Variants in COX16 observed in about 807,000 individuals in gnomAD.
COX16 encodes the protein cytochrome c oxidase assembly protein COX16 homolog, mitochondrial.
A neutral mutation model predicts 15.4 loss-of-function variants in COX16; 12 were observed. The observed-to-expected ratio is 0.78, with a 90% confidence interval of 0.50 to 1.26. The LOEUF (loss-of-function observed/expected upper bound fraction) is 1.26, where lower values mean the gene tolerates loss of function less well. Ranked by LOEUF, COX16 falls within the 50% of genes most tolerant of loss-of-function variation. COX16 has a pLI of 0.00. For missense variants in COX16, 124 were observed against 127.6 expected (o/e 0.97, Z 0.14); for synonymous variants, 46 against 41.1 (o/e 1.12, Z -0.46).
intron 2 of COX16, among the ~76,000 whole-genome samples, chr14:70,331,143 G>A (rs984220426): frequency 5.9e-5 from 9 of 152,102 alleles, no homozygotes; most frequent in African/African-American, 2.2e-4. Context: ...GAGTAGCTGG[G>A]ACTACAGGCA....
chr14:70,359,063 G>A (rs543510465), intron 1 of COX16, among the ~76,000 whole-genome samples: 92 of 152,294 alleles, frequency 6.0e-4, no homozygotes, highest in African/African-American at 2.1e-3. Context: ...AAGATACCAG[G>A]AATTCGTGCA....
intron 1 of COX16, among the ~76,000 whole-genome samples, chr14:70,343,687 C>A (rs1886689780): frequency 6.6e-6 from 1 of 152,168 alleles, no homozygotes; most frequent in South Asian, 2.1e-4. Context: ...GAAACATCAT[C>A]TTAAGATATA....
At chr14:70,336,689 A>T (rs1886467475) in intron 2 of COX16, among the ~76,000 whole-genome samples, 1 of 152,200 alleles carries the variant, frequency 6.6e-6, no homozygotes, top group African/African-American at 2.4e-5. Context: ...ATATATCTGT[A>T]CTTTGTGTGA....
chr14:70,353,804 C>T (rs943916589), intron 1 of COX16, among the ~76,000 whole-genome samples: 11 of 152,032 alleles, frequency 7.2e-5, no homozygotes, highest in Non-Finnish European at 1.3e-4. Flanking sequence ...TGAGCCACTG[C>T]GCCCGGCCCC....
chr14:70,346,088 T>C (rs1423134665), intron 1 of COX16, among the ~76,000 whole-genome samples: 1 of 152,058 alleles, frequency 6.6e-6, no homozygotes, highest in African/African-American at 2.4e-5. Context: ...CCCCTGCCTA[T>C]CCTCCACTGC....
At chr14:70,332,206 C>T (rs1232952637) in intron 2 of COX16, among the ~76,000 whole-genome samples, 1 of 152,220 alleles carries the variant, frequency 6.6e-6, no homozygotes, top group Non-Finnish European at 1.5e-5. Flanking sequence ...CTGAAAGTGA[C>T]CCTGTGGCTC....
intron 2 of COX16, among the ~76,000 whole-genome samples, chr14:70,332,046 G>A (rs550472704): frequency 6.6e-6 from 1 of 152,360 alleles, no homozygotes; most frequent in African/African-American, 2.4e-5. Context: ...CCTGGAAACA[G>A]CCCAGTCCTT....
At chr14:70,329,604 T>C (rs571759220) in intron 2 of COX16, among the ~76,000 whole-genome samples, 1 of 151,846 alleles carries the variant, frequency 6.6e-6, no homozygotes, top group South Asian at 2.1e-4. Context: ...CCTCCAGAGT[T>C]CACACTATTA....
In COX16 at chr14:70,354,639, G is replaced by A. The variant is rs994322278; in HGVS notation, c.69+4880C>T. On this transcript the variant is annotated intron_variant, in intron 1 of 3. Transcript: ENST00000389912. ...TGCATGCAGGACCCTCCTGGACCTC[G>A]ACATATGAGTCTCTTTTTTTGGCTG... Among the ~76,000 whole-genome samples the A allele has an allele frequency of 1.8e-4, 27 of 152,234 alleles. 1 individual carries two copies. The highest frequency in any genetic ancestry group is 1.4e-3 in the Admixed American group (22 of 15,282).
chr14:70,349,129 C>A lies in COX16; in HGVS notation c.70-6400G>T, dbSNP rs150087738. On this transcript the variant is annotated intron_variant, in intron 1 of 3. Transcript: ENST00000389912. ...ACACTTTCCATGTTGGTTACAAATT[C>A]TCTTGCAACTTCTCCGCCCTGTTCT... Among the ~76,000 whole-genome samples, 446 of 152,324 alleles carry A rather than the reference C, an allele frequency of 2.9e-3. 4 individuals are homozygous for A. Among genetic ancestry groups the A allele is most frequent in the African/African-American group, 9.9e-3 (413 of 41,576 alleles).
intron 2 of COX16, among the ~76,000 whole-genome samples, chr14:70,330,276 G>A (rs1463742312): frequency 6.6e-6 from 1 of 152,084 alleles, no homozygotes; most frequent in East Asian, 1.9e-4. Context: ...TGAAAACTTA[G>A]ATAAAATGGA....
At chr14:70,345,166 G>T (rs1287786666) in intron 1 of COX16, among the ~76,000 whole-genome samples, 67 of 152,194 alleles carry the variant, frequency 4.4e-4, no homozygotes, top group Non-Finnish European at 4.4e-5. Context: ...CTCTGTGCAT[G>T]CACATTGGTC....
chr14:70,345,831 G>A (rs1032988546), intron 1 of COX16, among the ~76,000 whole-genome samples: 4 of 151,670 alleles, frequency 2.6e-5, no homozygotes, highest in Admixed American at 2.0e-4. Flanking sequence ...TTTCTCGTTC[G>A]ATCCAACTGA....
intron 3 of COX16, among the ~76,000 whole-genome samples, chr14:70,327,283 A>G (rs6573951): frequency 0.87 from 132,538 of 152,124 alleles, 57,797 homozygotes; most frequent in East Asian, 0.93. Flanking sequence ...TTTGGAAAGT[A>G]ATTTAAGCCA....
At chr14:70,338,408 C>T (rs779862131) in intron 2 of COX16, among the ~76,000 whole-genome samples, 12 of 152,174 alleles carry the variant, frequency 7.9e-5, no homozygotes, top group Non-Finnish European at 1.6e-4. Context: ...CCACCATGCC[C>T]GGCCCCAGAA....
At chr14:70,327,870 A>G (rs1440129121) in intron 3 of COX16, among the ~76,000 whole-genome samples, 1 of 152,104 alleles carries the variant, frequency 6.6e-6, no homozygotes, top group East Asian at 1.9e-4. Flanking sequence ...CACCCAAGAC[A>G]TAACACTTCA....
intron 2 of COX16, among the ~76,000 whole-genome samples, chr14:70,338,305 G>T (rs765828333): frequency 3.0e-4 from 45 of 152,220 alleles, no homozygotes; most frequent in Non-Finnish European, 4.0e-4. Flanking sequence ...CAGAGATGAG[G>T]CTTCACCATA....
intron 1 of COX16, among the ~76,000 whole-genome samples, chr14:70,351,620 T>C (rs1886958533): frequency 6.6e-6 from 1 of 152,186 alleles, no homozygotes; most frequent in African/African-American, 2.4e-5. Context: ...TATTCTTTGG[T>C]GTAACTTTTT....
At chr14:70,345,877 C>A (rs188671220) in intron 1 of COX16, among the ~76,000 whole-genome samples, 2 of 152,218 alleles carry the variant, frequency 1.3e-5, no homozygotes, top group East Asian at 3.9e-4. Flanking sequence ...ACCTTTTCCT[C>A]TCAACCATCT....
Sources: allele counts gnomAD v4.1 joint callset (sites outside exome capture counted in the v4.1 genomes callset), GRCh38; gene constraint gnomAD v4.1.1; transcripts MANE v1.5; gene names NCBI Gene and HGNC (gene_info 2026-07-23, HGNC 2026-07-21).